Variants in TBC1D12 observed in about 807,000 individuals in gnomAD.
TBC1D12 encodes TBC1 domain family, member 12.
TBC1D12 carries 56 observed loss-of-function variants against 86.7 expected under a neutral mutation model. The ratio of observed to expected loss-of-function variants is 0.65; its 90% CI spans 0.52 to 0.81. The LOEUF (loss-of-function observed/expected upper bound fraction) is 0.81. Among genes scored for constraint, TBC1D12 ranks in the 30% least tolerant of loss-of-function variants. TBC1D12 has a pLI of 0.00. For missense variants in TBC1D12, 1,023 were observed against 1,038.8 expected (o/e 0.98, Z 0.21); for synonymous variants, 421 against 411.7 (o/e 1.02, Z -0.27).
rs77966766 is a variant in TBC1D12 at position 94,518,772 on chromosome 10, A to T, written c.1762-3183A>T. Among the ~76,000 whole-genome samples, 1,187 of 152,328 alleles carry T rather than the reference A, an allele frequency of 7.8e-3. 16 individuals carry two copies. Among genetic ancestry groups the T allele is most frequent in the African/African-American group, 0.027 (1,130 of 41,570 alleles). On this transcript the variant is annotated intron_variant, in intron 9 of 12. Transcript: ENST00000225235. ...ATCTGAATGAGCTATAAATAGTTTT[A>T]AAAATATGCATAATATTCCGGGCTG...
At chr10:94,517,087 A>G (rs754382808) in intron 9 of TBC1D12, among the ~76,000 whole-genome samples, 1 of 152,070 alleles carries the variant, frequency 6.6e-6, no homozygotes, top group Non-Finnish European at 1.5e-5. Context: ...TATTAAAATT[A>G]TATCTTCAGG....
intron 2 of TBC1D12, among the ~76,000 whole-genome samples, chr10:94,445,379 T>C (rs891194972): frequency 6.6e-6 from 1 of 151,832 alleles, no homozygotes; most frequent in Non-Finnish European, 1.5e-5. Context: ...ACAACAGCAA[T>C]AGAACTTCAT....
At chr10:94,416,832 G>A (rs1004177875) in intron 1 of TBC1D12, among the ~76,000 whole-genome samples, 1 of 152,090 alleles carries the variant, frequency 6.6e-6, no homozygotes, top group Admixed American at 6.6e-5. Flanking sequence ...GAGGGTTTGG[G>A]TTAGAATGAG....
chr10:94,429,128 A>G (rs1455569605), intron 1 of TBC1D12, among the ~76,000 whole-genome samples: 1 of 151,920 alleles, frequency 6.6e-6, no homozygotes, highest in African/African-American at 2.4e-5. Flanking sequence ...GGTCCCTAGA[A>G]GCTCTAAAAT....
At chr10:94,500,387 A>G in intron 6 of TBC1D12, 60 bp downstream of exon 6, 3 of 1,427,294 alleles carry the variant, frequency 2.1e-6, no homozygotes, top group South Asian at 1.2e-5. Flanking sequence ...AGAGTTACAT[A>G]GCAGATTAGT....
intron 6 of TBC1D12, among the ~76,000 whole-genome samples, chr10:94,500,661 G>C (rs944253866): frequency 5.3e-5 from 8 of 152,084 alleles, no homozygotes; most frequent in African/African-American, 1.9e-4. Context: ...TTATGAAAAG[G>C]CTTCACTTTT....
In TBC1D12 at chr10:94,486,731, A is replaced by G. The variant is rs1209215832; in HGVS notation, c.1212-6634A>G. Among the ~76,000 whole-genome samples, 3 of 152,328 alleles carry G rather than the reference A, an allele frequency of 2.0e-5. No individual in the cohort carries two copies. In the East Asian group the frequency reaches 5.8e-4, roughly 29 times the overall value. On this transcript the variant is annotated intron_variant, in intron 3 of 12. Transcript: ENST00000225235. ...GTTTGTTTTTAACTAAGGAAGCAAC[A>G]TGTGGTCTATCCTTGAAAATGATCC... is the stretch of plus-strand genomic sequence containing the variant.
At chr10:94,502,861 T>C (rs1390577897) in intron 6 of TBC1D12, among the ~76,000 whole-genome samples, 1 of 152,212 alleles carries the variant, frequency 6.6e-6, no homozygotes, top group African/African-American at 2.4e-5. Context: ...AAAGTTAAAG[T>C]AATGAGAAGG....
At position 94,531,749 on chromosome 10, in the gene TBC1D12, GTTATT is replaced by G. The variant is rs10664686; in HGVS notation, c.2259+309_2259+313del. Among the ~76,000 whole-genome samples, 387 of 49,682 alleles carry G rather than the reference GTTATT, an allele frequency of 7.8e-3. 4 individuals are homozygous for G. Among genetic ancestry groups the G allele is most frequent in the African/African-American group, 0.021 (339 of 16,274 alleles). The allele number at this position is 49,682 out of a possible 152,430, so 32.6% of individuals were successfully genotyped here. On this transcript the variant is annotated intron_variant, in intron 12 of 12. Transcript: ENST00000225235. ...GTTATTTTATGTTATGTTATTTTAT[GTTATT>G]TTATTTTATTTTATTTTATGTTATT...
chr10:94,436,475 A>G (rs1217905631), intron 1 of TBC1D12, among the ~76,000 whole-genome samples: 1 of 152,072 alleles, frequency 6.6e-6, no homozygotes, highest in Non-Finnish European at 1.5e-5. Context: ...GTTTCCTTCA[A>G]GTTCCTAAAA....
Position 94,424,525 on chromosome 10 carries a change from T to C in TBC1D12, c.972-17371T>C, listed in dbSNP as rs1374581813. ...ATTCCAACGAAAGAAGGAGCTAGAA[T>C]AAGGCCTTTCTGTTGAAACCAGTGA... is the stretch of plus-strand genomic sequence containing the variant. On this transcript the variant is annotated intron_variant, in intron 1 of 12. Coordinates refer to ENST00000225235, the MANE Select transcript of TBC1D12 (RefSeq NM_015188.2). Among the ~76,000 whole-genome samples the C allele has an allele frequency of 2.6e-5, 4 of 152,314 alleles. No individual in the cohort carries two copies. In the East Asian group the frequency reaches 5.8e-4, roughly 22 times the overall value.
intron 3 of TBC1D12, among the ~76,000 whole-genome samples, chr10:94,482,144 C>T (rs923864218): frequency 6.6e-5 from 10 of 152,066 alleles, no homozygotes; most frequent in African/African-American, 2.4e-4. Flanking sequence ...TTTTCTGCTC[C>T]TCTCCCTCCT....
At chr10:94,416,074 T>C (rs1053636778) in intron 1 of TBC1D12, among the ~76,000 whole-genome samples, 1 of 152,220 alleles carries the variant, frequency 6.6e-6, no homozygotes, top group Non-Finnish European at 1.5e-5. Context: ...AACTTTTGAT[T>C]TAGTTGTCCA....
chr10:94,465,707 C>T (rs893237556), intron 2 of TBC1D12, among the ~76,000 whole-genome samples: 32 of 111,960 alleles, frequency 2.9e-4, no homozygotes, highest in South Asian at 7.3e-4. Flanking sequence ...TACATATATA[C>T]GTATACGTAT....
chr10:94,468,365 A>G (rs1024646392), intron 2 of TBC1D12, among the ~76,000 whole-genome samples: 1 of 152,224 alleles, frequency 6.6e-6, no homozygotes. Flanking sequence ...TTGCTGGTCT[A>G]CTGACAACAA....
intron 9 of TBC1D12, among the ~76,000 whole-genome samples, chr10:94,519,477 A>T (rs1005479240): frequency 1.2e-4 from 18 of 152,140 alleles, no homozygotes; most frequent in African/African-American, 4.3e-4. Flanking sequence ...AGATTACTTG[A>T]GGTCAGGAGT....
At chr10:94,439,617 T>TCC (rs1471727097) in intron 1 of TBC1D12, among the ~76,000 whole-genome samples, 2 of 152,202 alleles carry the variant, frequency 1.3e-5, no homozygotes, top group Non-Finnish European at 2.9e-5. Flanking sequence ...TTCTACCCGA[T>TCC]CCACTCTGCA....
chr10:94,522,706 G>A (rs1228984661), intron 11 of TBC1D12, among the ~76,000 whole-genome samples: 3 of 152,056 alleles, frequency 2.0e-5, no homozygotes, highest in Non-Finnish European at 2.9e-5. Context: ...CTGAGGTCAG[G>A]AGTTCAAGAC....
intron 2 of TBC1D12, among the ~76,000 whole-genome samples, chr10:94,471,731 CA>C (rs1229947909): frequency 6.6e-6 from 1 of 152,168 alleles, no homozygotes; most frequent in Non-Finnish European, 1.5e-5. Context: ...TTGTTGTTTA[CA>C]AAGCCAATCA....
Sources: allele counts gnomAD v4.1 joint callset (sites outside exome capture counted in the v4.1 genomes callset), GRCh38; gene constraint gnomAD v4.1.1; transcripts MANE v1.5; gene names NCBI Gene and HGNC (gene_info 2026-07-23, HGNC 2026-07-21).